Variants in DIPK1A observed in about 807,000 individuals in gnomAD.
The protein encoded by DIPK1A is divergent protein kinase domain 1A.
Under a neutral mutation model 40.8 loss-of-function variants are expected in DIPK1A, and 27 were observed. The ratio of observed to expected loss-of-function variants is 0.66; its 90% CI spans 0.49 to 0.91. The LOEUF (loss-of-function observed/expected upper bound fraction) is 0.91, where lower values mean the gene tolerates loss of function less well. Among genes scored for constraint, DIPK1A ranks in the 40% least tolerant of loss-of-function variants. DIPK1A has a pLI of 0.00. For missense variants in DIPK1A, 412 were observed against 505.7 expected (o/e 0.81, Z 1.78); for synonymous variants, 166 against 171.3 (o/e 0.97, Z 0.24).
At chr1:92,866,163 G>T (rs577631099) in intron 2 of DIPK1A, among the ~76,000 whole-genome samples, 1 of 152,246 alleles carries the variant, frequency 6.6e-6, no homozygotes, top group African/African-American at 2.4e-5. Flanking sequence ...GTGCAATGGC[G>T]TGATCTCAGC....
intron 4 of DIPK1A, chr1:92,837,085 A>G (rs1687159815): frequency 8.9e-6 from 3 of 338,280 alleles, no homozygotes; most frequent in South Asian, 2.5e-5. Context: ...TCACTTGACA[A>G]TTTCATTAAC....
At chr1:92,871,996 G>A (rs1290738455) in intron 2 of DIPK1A, among the ~76,000 whole-genome samples, 1 of 150,206 alleles carries the variant, frequency 6.7e-6, no homozygotes, top group East Asian at 2.0e-4. Context: ...GGATTTACTG[G>A]ATCATATGGT....
At position 92,842,659 on chromosome 1, in the gene DIPK1A, T is replaced by C. The variant is rs953534327; in HGVS notation, c.*724A>G. The stretch of plus-strand genomic sequence containing the variant: ...CAAAATCAGGATATGTGGATCTTGA[T>C]TGGGCCTTAAGATGTCAGTTTTGAA... On this transcript the variant is annotated 3_prime_UTR_variant, in exon 5 of 5. Transcript: ENST00000370310. 4 of 985,294 alleles carry C rather than the reference T, an allele frequency of 4.1e-6. No homozygotes were observed. The highest frequency in any genetic ancestry group is 2.4e-6 in the Non-Finnish European group (2 of 829,932). 61.0% of individuals were successfully genotyped at this position (985,294 alleles called of 1,614,324 possible).
intron 1 of DIPK1A, among the ~76,000 whole-genome samples, chr1:92,878,981 T>C (rs1648255760): frequency 6.6e-6 from 1 of 152,002 alleles, no homozygotes; most frequent in Admixed American, 6.5e-5. Flanking sequence ...CATTCCAACC[T>C]GGGTGACAGA....
At chr1:92,912,112 T>G (rs960151255) in intron 1 of DIPK1A, among the ~76,000 whole-genome samples, 1 of 151,838 alleles carries the variant, frequency 6.6e-6, no homozygotes, top group Non-Finnish European at 1.5e-5. Context: ...CAGCAATGTA[T>G]GAGTGATCCA....
intron 4 of DIPK1A, chr1:92,833,622 A>G: frequency 6.2e-7 from 1 of 1,612,310 alleles, no homozygotes; most frequent in East Asian, 2.2e-5. Flanking sequence ...CAAATACAGG[A>G]TGATAGTTCG....
intron 1 of DIPK1A, among the ~76,000 whole-genome samples, chr1:92,882,256 C>T (rs1057092132): frequency 5.3e-5 from 8 of 152,204 alleles, no homozygotes; most frequent in Non-Finnish European, 2.9e-5. Flanking sequence ...GGCATGATGG[C>T]ATGCGCCTGT....
At chr1:92,855,538 A>G (rs1390646210) in intron 2 of DIPK1A, among the ~76,000 whole-genome samples, 1 of 146,688 alleles carries the variant, frequency 6.8e-6, no homozygotes, top group East Asian at 2.0e-4. Flanking sequence ...ATATCTAAAA[A>G]TTTTTTTTTT....
chr1:92,841,774 G>A (rs765443248), downstream of DIPK1A: 23 of 1,610,208 alleles, frequency 1.4e-5, no homozygotes, highest in South Asian at 4.4e-5. Context: ...AGGTGGAACC[G>A]TCCCAAAATG....
Position 92,912,510 on chromosome 1 carries a change from G to T in DIPK1A, c.55-36080C>A, listed in dbSNP as rs770734292. On this transcript the variant is annotated intron_variant, in intron 1 of 4. Transcript: ENST00000370310. ...AGGGGAAAATGCAGAGAACTAAAGTGTTATATGAATATATAGGTGTAATTT... is the reference window on the plus strand; with the variant it reads ...AGGGGAAAATGCAGAGAACTAAAGTTTTATATGAATATATAGGTGTAATTT... 9.9e-5 allele frequency among the ~76,000 whole-genome samples: 15 copies of T among 152,172 alleles called. No individual in the cohort carries two copies. The East Asian group carries it at 2.5e-3, about 25-fold the overall frequency.
chr1:92,851,306 G>A (rs1364523118), intron 2 of DIPK1A, among the ~76,000 whole-genome samples: 1 of 152,042 alleles, frequency 6.6e-6, no homozygotes, highest in Non-Finnish European at 1.5e-5. Flanking sequence ...CACTTTGGGA[G>A]GCCGAGGCTG....
At chr1:92,957,730 G>A (rs143242921) in intron 1 of DIPK1A, among the ~76,000 whole-genome samples, 10 of 152,334 alleles carry the variant, frequency 6.6e-5, no homozygotes, top group African/African-American at 2.4e-4. Flanking sequence ...CTGTTTTATG[G>A]AGATATACTA....
intron 1 of DIPK1A, among the ~76,000 whole-genome samples, chr1:92,918,061 T>C (rs1240566836): frequency 2.0e-5 from 3 of 152,170 alleles, no homozygotes; most frequent in Non-Finnish European, 4.4e-5. Context: ...AATAAGAAAA[T>C]AAATGTATTT....
At chr1:92,957,515 A>G (rs1401425982) in intron 1 of DIPK1A, among the ~76,000 whole-genome samples, 1 of 152,372 alleles carries the variant, frequency 6.6e-6, no homozygotes, top group African/African-American at 2.4e-5. Flanking sequence ...CTTGTTGCTC[A>G]GGTAAACGTC....
chr1:92,858,987 C>T (rs1688078276), intron 2 of DIPK1A, among the ~76,000 whole-genome samples: 2 of 152,088 alleles, frequency 1.3e-5, no homozygotes, highest in Non-Finnish European at 2.9e-5. Context: ...TTCTTTACTC[C>T]GGTGATTCTC....
intron 1 of DIPK1A, among the ~76,000 whole-genome samples, chr1:92,926,876 T>C (rs1353238131): frequency 6.6e-6 from 1 of 152,220 alleles, no homozygotes; most frequent in East Asian, 1.9e-4. Context: ...TTTGAAGCTT[T>C]GTATCTTTTG....
intron 1 of DIPK1A, among the ~76,000 whole-genome samples, chr1:92,899,213 ATATC>A (rs1649309873): frequency 6.6e-6 from 1 of 152,212 alleles, no homozygotes; most frequent in African/African-American, 2.4e-5. Flanking sequence ...TGCTTTATAT[ATATC>A]TGAGTACTAC....
intron 1 of DIPK1A, among the ~76,000 whole-genome samples, chr1:92,954,548 T>C (rs769435861): frequency 2.0e-5 from 3 of 151,870 alleles, no homozygotes; most frequent in Non-Finnish European, 2.9e-5. Flanking sequence ...CTATTTTTTG[T>C]ACTTTTAGTA....
rs993590760 is a variant in DIPK1A, at chr1:92,843,072, A to G, written c.*311T>C. 1.1e-5 allele frequency: 11 copies of G among 1,036,282 alleles called. No homozygotes were observed. Among genetic ancestry groups the G allele is most frequent in the African/African-American group, 1.7e-5 (1 of 58,890 alleles). 64.2% of individuals were successfully genotyped at this position (1,036,282 alleles called of 1,614,324 possible). On this transcript the variant is annotated 3_prime_UTR_variant, in exon 5 of 5. Transcript: ENST00000370310. Reference sequence around the variant, plus strand: ...GTATTTTGGCTAAGGTAAATCTACAAATCACTCACTGTTGATGTTTATGGA... The same window carrying G: ...GTATTTTGGCTAAGGTAAATCTACAGATCACTCACTGTTGATGTTTATGGA...
Sources: gnomAD v4.1 joint callset for allele counts (sites outside exome capture counted in the v4.1 genomes callset) on GRCh38, gnomAD v4.1.1 for gene constraint, MANE v1.5 for transcripts, NCBI Gene and HGNC (gene_info 2026-07-23, HGNC 2026-07-21) for gene names.